BMP7: variants seen among roughly 807,000 people sequenced by gnomAD.
BMP7 encodes osteogenic protein 1.
A neutral mutation model predicts 41.2 loss-of-function variants in BMP7; 12 were observed. The ratio of observed to expected loss-of-function variants is 0.29; its 90% confidence interval spans 0.19 to 0.47. The LOEUF is 0.47. Ranked by LOEUF, BMP7 falls within the 20% of genes least tolerant of loss-of-function variation. The pLI is 0.99. For synonymous variants in BMP7, 248 were observed against 250.0 expected, an observed-to-expected ratio of 0.99 and a Z score of 0.07; for missense variants, 467 against 606.0, an observed-to-expected ratio of 0.77 and a Z score of 2.41.
chr20:57,173,897 G>A (rs1050013394), intron 5 of BMP7, among the ~76,000 whole-genome samples: 1 of 152,156 alleles, frequency 6.6e-6, no homozygotes, highest in East Asian at 1.9e-4. Context: ...CGGGTGCACT[G>A]GTCAGTAAGG....
At chr20:57,207,300 G>C (rs1000823209) in intron 2 of BMP7, among the ~76,000 whole-genome samples, 1 of 152,212 alleles carries the variant, frequency 6.6e-6, no homozygotes, top group South Asian at 2.1e-4. Flanking sequence ...CAGAGAGAGA[G>C]AGAAAAACCA....
chr20:57,173,995 C>G (rs776615707), intron 5 of BMP7, among the ~76,000 whole-genome samples: 1 of 152,170 alleles, frequency 6.6e-6, no homozygotes, highest in Non-Finnish European at 1.5e-5. Flanking sequence ...TGCTTAAGCA[C>G]ATGGAATCTT....
In BMP7 at chr20:57,170,877, T is replaced by C. The variant is rs976647208; in HGVS notation, c.*82A>G. On this transcript the variant is annotated 3_prime_UTR_variant, in exon 7 of 7. Coordinates refer to ENST00000395863, the MANE Select transcript of BMP7 (RefSeq NM_001719.3). ...GAGGGGAAGGTCTCACAAAAGGCAG[T>C]TGGTCTGCTGGTTCCTGGCCAAGGC... 1.3e-6 allele frequency: 2 copies of C among 1,559,646 alleles called. No homozygotes were observed. Among genetic ancestry groups the C allele is most frequent in the African/African-American group, 1.4e-5 (1 of 73,864 alleles).
intron 1 of BMP7, among the ~76,000 whole-genome samples, chr20:57,265,042 A>AGAAAAG (rs1555819057): frequency 3.3e-5 from 4 of 120,156 alleles, no homozygotes; most frequent in Non-Finnish European, 4.8e-5. Context: ...AAAAAAAAAA[A>AGAAAAG]AAAAGAAAAG....
chr20:57,221,040 G>A (rs188014599), intron 2 of BMP7, among the ~76,000 whole-genome samples: 19 of 152,254 alleles, frequency 1.2e-4, no homozygotes, highest in South Asian at 2.1e-4. Flanking sequence ...TCATCCTTTC[G>A]TGCATTTGGT....
chr20:57,175,555 G>T (rs763182146), intron 4 of BMP7, among the ~76,000 whole-genome samples: 56 of 152,186 alleles, frequency 3.7e-4, no homozygotes, highest in Non-Finnish European at 7.1e-4. Flanking sequence ...CCTTTCAGAA[G>T]AAAACACTCC....
intron 1 of BMP7, among the ~76,000 whole-genome samples, chr20:57,235,933 G>T (rs2066045914): frequency 6.6e-6 from 1 of 151,938 alleles, no homozygotes; most frequent in Non-Finnish European, 1.5e-5. Context: ...CAGAGGCAGG[G>T]AGTGAGGACA....
Position 57,227,122 on chromosome 20 carries a change from C to T in BMP7, c.611+1107G>A, listed in dbSNP as rs988293067. ...GATTACAGGCGTGAGCTACCACACC[C>T]GGCCTAAAAACAAATTTTGGAAAGA... On this transcript the variant is annotated intron_variant, in intron 2 of 6. Transcript: ENST00000395863. Among the ~76,000 whole-genome samples the T allele has an allele frequency of 1.8e-4, 28 of 152,272 alleles. No individual in the cohort carries two copies. In the Middle Eastern group the frequency reaches 0.014, roughly 74 times the overall value.
At chr20:57,197,339 C>A (rs1245524860) in intron 3 of BMP7, among the ~76,000 whole-genome samples, 1 of 152,122 alleles carries the variant, frequency 6.6e-6, no homozygotes, top group Non-Finnish European at 1.5e-5. Context: ...AAACACTTTC[C>A]TTCCCAGGTG....
intron 1 of BMP7, among the ~76,000 whole-genome samples, chr20:57,242,745 G>A (rs1242703338): frequency 1.3e-5 from 2 of 152,182 alleles, no homozygotes; most frequent in African/African-American, 4.8e-5. Context: ...GCTCATGCCT[G>A]TAATCCCAGC....
Position 57,266,116 on chromosome 20 carries a change from C to G in BMP7, c.7G>C (p.Val3Leu), listed in dbSNP as rs571689544. The change falls in exon 1 of 7, where the codon GTG (valine) becomes CTG (leucine). Residue 3 changes from valine (V) to leucine (L), a missense_variant. Physicochemically the swap from Val to Leu is conservative, Grantham distance 32. Around this residue, in one of 2 missense-constraint regions of BMP7, gnomAD observed 407 missense variants for 485.9 expected, o/e 0.84. Transcript: ENST00000395863. MH[V>L]RSLRAAAPHS... ...GGCGCCGCAGCTCGCAGTGAGCGCACGTGCATCGCGCCGGCTCTACGCGCT... is the reference window on the plus strand; with the variant it reads ...GGCGCCGCAGCTCGCAGTGAGCGCAGGTGCATCGCGCCGGCTCTACGCGCT... 2 of 1,531,970 alleles carry G rather than the reference C, an allele frequency of 1.3e-6. No homozygotes were observed. Among genetic ancestry groups the G allele is most frequent in the African/African-American group, 2.7e-5 (2 of 72,882 alleles). The allele number at this position is 1,531,970 out of a possible 1,614,324, so 94.9% of individuals were successfully genotyped here. A position where few individuals can be genotyped will look rare whatever the true frequency, so the allele number is the denominator to read the frequency against.
intron 2 of BMP7, among the ~76,000 whole-genome samples, chr20:57,223,229 CAAAAAAA>C (rs35071781): frequency 1.6e-5 from 1 of 62,420 alleles, no homozygotes; most frequent in East Asian, 3.4e-4. Flanking sequence ...GACTCCATCT[CAAAAAAA>C]AAAAAAAAAG....
intron 1 of BMP7, among the ~76,000 whole-genome samples, chr20:57,264,729 T>C (rs940508776): frequency 6.6e-6 from 1 of 151,828 alleles, no homozygotes; most frequent in Non-Finnish European, 1.5e-5. Context: ...CACTAAATAC[T>C]TAAAATAGAA....
At chr20:57,258,771 T>C (rs866899541) in intron 1 of BMP7, among the ~76,000 whole-genome samples, 2 of 152,210 alleles carry the variant, frequency 1.3e-5, no homozygotes, top group Admixed American at 6.5e-5. Flanking sequence ...ATTCACACTC[T>C]GGGGACCATT....
In BMP7 at chr20:57,223,092, T is replaced by TG. The variant is rs367867961; in HGVS notation, c.611+5136dup. Among the ~76,000 whole-genome samples the TG allele has an allele frequency of 3.1e-3, 473 of 152,136 alleles. 2 individuals carry two copies. Among genetic ancestry groups the TG allele is most frequent in the African/African-American group, 0.011 (449 of 41,518 alleles). On this transcript the variant is annotated intron_variant, in intron 2 of 6. Transcript: ENST00000395863. ...TAAAAATAAAAAAATCAGCCAGGCA[T>TG]GGTGGTACATACTTGTAATCCCAGC...
At chr20:57,252,562 G>A (rs1278393609) in intron 1 of BMP7, among the ~76,000 whole-genome samples, 4 of 152,262 alleles carry the variant, frequency 2.6e-5, no homozygotes, top group African/African-American at 9.6e-5. Context: ...GCATCATCGA[G>A]CAAAAGGTGC....
chr20:57,254,691 G>A (rs2066127644), intron 1 of BMP7, among the ~76,000 whole-genome samples: 1 of 151,380 alleles, frequency 6.6e-6, no homozygotes, highest in Admixed American at 6.6e-5. Flanking sequence ...AAGTCCCTGC[G>A]CTGGGGCGAC....
intron 1 of BMP7, among the ~76,000 whole-genome samples, chr20:57,247,763 G>A (rs974978141): frequency 6.6e-6 from 1 of 152,070 alleles, no homozygotes; most frequent in African/African-American, 2.4e-5. Context: ...CTCTTGCTCT[G>A]TTCATCCTCC....
At chr20:57,245,254 A>C (rs2066085271) in intron 1 of BMP7, among the ~76,000 whole-genome samples, 1 of 151,980 alleles carries the variant, frequency 6.6e-6, no homozygotes, top group Non-Finnish European at 1.5e-5. Flanking sequence ...CGATCAAAAC[A>C]CCCTTCAAAT....
Sources: gnomAD v4.1 joint callset for allele counts (sites outside exome capture counted in the v4.1 genomes callset) on GRCh38, gnomAD v4.1.1 for gene constraint, gnomAD v4.1.1 regional missense constraint, MANE v1.5 for transcripts, NCBI Gene and HGNC (gene_info 2026-07-23, HGNC 2026-07-21) for gene names.